Variants in ACSF2 observed in about 807,000 individuals in gnomAD.
ACSF2 encodes the protein medium-chain acyl-CoA ligase ACSF2, mitochondrial.
A neutral mutation model predicts 79.3 loss-of-function variants in ACSF2; 52 were observed. The observed-to-expected ratio is 0.66, with a 90% CI of 0.53 to 0.83. The LOEUF is 0.83. Among genes scored for constraint, ACSF2 ranks in the 40% least tolerant of loss-of-function variants. ACSF2 has a pLI of 0.00. For missense variants in ACSF2, 661 were observed against 803.3 expected, an observed-to-expected ratio of 0.82 and a Z score of 2.14; for synonymous variants, 283 against 312.6, an observed-to-expected ratio of 0.91 and a Z score of 1.00.
chr17:50,461,833 G>A, intron 4 of ACSF2, 147 bp downstream of exon 4: 1 of 1,109,762 alleles, frequency 9.0e-7, no homozygotes, highest in Non-Finnish European at 1.3e-6. Context: ...ATGTGTGATT[G>A]GAAGGTGGCC....
chr17:50,458,218 T>G (rs986547344), intron 1 of ACSF2, among the ~76,000 whole-genome samples: 2 of 152,158 alleles, frequency 1.3e-5, no homozygotes, highest in African/African-American at 4.8e-5. Context: ...GTGGGTCCAC[T>G]TGGGCCCATG....
At chr17:50,452,951 T>A (rs897059521) in intron 1 of ACSF2, among the ~76,000 whole-genome samples, 1 of 152,138 alleles carries the variant, frequency 6.6e-6, no homozygotes, top group Admixed American at 6.5e-5. Flanking sequence ...ATAATAAAAT[T>A]GAGGTTATAT....
In ACSF2 at chr17:50,464,294, G is replaced by A. The variant is rs745819595; in HGVS notation, c.1215G>A (p.Val405=). Residue 405 remains valine (V), a splice_region_variant and synonymous_variant, in exon 10 of 16, where the codon GTG becomes GTA. Coordinates refer to ENST00000300441, the MANE Select transcript of ACSF2 (RefSeq NM_025149.6). ...IINKINMKDL[V]VAYGTTENSP... ...ACAAGATAAATATGAAGGACCTGGTGGTGAGTGGTGACTGCGGCCCGGGCT... is the reference window on the plus strand; with the variant it reads ...ACAAGATAAATATGAAGGACCTGGTAGTGAGTGGTGACTGCGGCCCGGGCT... 25 of 1,613,966 alleles carry A rather than the reference G, an allele frequency of 1.5e-5. No homozygotes were observed. The highest frequency in any genetic ancestry group is 2.1e-5 in the Non-Finnish European group (25 of 1,180,026).
In ACSF2 at chr17:50,464,779, G is replaced by GGGGA; in HGVS notation, c.1215+485_1215+486insGGGA. The GGGGA allele has an allele frequency of 7.7e-6, 2 of 259,844 alleles. 1 individual carries two copies. Among genetic ancestry groups the GGGGA allele is most frequent in the Non-Finnish European group, 1.5e-5 (2 of 135,768 alleles). 16.1% of individuals were successfully genotyped at this position (259,844 alleles called of 1,614,324 possible). A position where few individuals can be genotyped will look rare whatever the true frequency, so the allele number is the denominator to read the frequency against. On this transcript the variant is annotated intron_variant, in intron 10 of 15. Transcript: ENST00000300441. ...TGGTTCTGATTGACTTGGGGGGGGGGTCTCAGCAACAGCTTCTCCAAGAGG... is the reference window on the plus strand; with the variant it reads ...TGGTTCTGATTGACTTGGGGGGGGGGGGGATCTCAGCAACAGCTTCTCCAAGAGG...
In ACSF2 at chr17:50,461,160, C is replaced by T. The variant is rs557559978; in HGVS notation, c.325-82C>T. The T allele has an allele frequency of 4.1e-3, 6,582 of 1,590,126 alleles. 50 individuals carry two copies. Among genetic ancestry groups the T allele is most frequent in the South Asian group, 0.019 (1,653 of 88,024 alleles). On this transcript the variant is annotated intron_variant, in intron 2 of 15. Coordinates refer to ENST00000300441, the MANE Select transcript of ACSF2 (RefSeq NM_025149.6). The stretch of plus-strand genomic sequence containing the variant: ...TCCCCAGTGACTGTGATGAGAACTC[C>T]GGGCTAAGGGCTGAGGGTGGGAGTC...
Position 50,444,532 on chromosome 17 carries a change from C to T in ACSF2, c.129-16145C>T, listed in dbSNP as rs142079440. Among the ~76,000 whole-genome samples the T allele has an allele frequency of 7.0e-3, 1,062 of 151,344 alleles. 53 individuals are homozygous for T. The highest frequency in any genetic ancestry group is 0.064 in the Admixed American group (967 of 15,128). On this transcript the variant is annotated intron_variant, in intron 1 of 15. Coordinates refer to ENST00000300441, the MANE Select transcript of ACSF2 (RefSeq NM_025149.6). The stretch of plus-strand genomic sequence containing the variant: ...ATCGCACCACTGCACTCCAGCCTGG[C>T]GATAGTGTGAGACTCCGGCCCAAAA...
At chr17:50,431,475 C>T (rs912897322) in intron 1 of ACSF2, among the ~76,000 whole-genome samples, 2 of 152,128 alleles carry the variant, frequency 1.3e-5, no homozygotes, top group African/African-American at 4.8e-5. Context: ...GAACCTGATC[C>T]CTGAAAGGTT....
chr17:50,429,521 C>CT (rs142859188), intron 1 of ACSF2, among the ~76,000 whole-genome samples: 13,043 of 147,118 alleles, frequency 0.089, 1,946 homozygotes, highest in African/African-American at 0.31. Flanking sequence ...TTCTCTTTTT[C>CT]TTTTTTTTTT....
At chr17:50,470,038 T>C (rs948119892) in intron 10 of ACSF2, 1 of 152,300 alleles carries the variant, frequency 6.6e-6, no homozygotes, top group Non-Finnish European at 1.5e-5. Context: ...ATATTGTCTG[T>C]GATGAGGGGT....
At chr17:50,462,790 C>T in intron 6 of ACSF2, 1 of 641,260 alleles carries the variant, frequency 1.6e-6, no homozygotes, top group Non-Finnish European at 2.6e-6. Context: ...CTCTCCACTC[C>T]AGCCCTCTTG....
At chr17:50,460,971 A>G (rs2143700723) in intron 2 of ACSF2, 99 bp downstream of exon 2, 7 of 1,390,490 alleles carry the variant, frequency 5.0e-6, no homozygotes, top group Non-Finnish European at 6.8e-6. Flanking sequence ...CTATGGGGCA[A>G]TGTGCTAGGG....
intron 1 of ACSF2, among the ~76,000 whole-genome samples, chr17:50,442,914 C>CTTT (rs941820816): frequency 6.9e-6 from 1 of 144,114 alleles, no homozygotes; most frequent in East Asian, 2.0e-4. Context: ...GGTTTTATTT[C>CTTT]TTTTTTTTTT....
intron 1 of ACSF2, among the ~76,000 whole-genome samples, chr17:50,442,325 ATTT>A (rs34855383): frequency 9.3e-4 from 109 of 117,256 alleles, no homozygotes; most frequent in African/African-American, 3.0e-3. Flanking sequence ...AAACAAAACA[ATTT>A]TTTTTTTTTT....
chr17:50,457,857 T>C (rs1343591932), intron 1 of ACSF2, among the ~76,000 whole-genome samples: 1 of 152,060 alleles, frequency 6.6e-6, no homozygotes, highest in Non-Finnish European at 1.5e-5. Flanking sequence ...GTGGCTTAGA[T>C]GGCCAAGAGA....
chr17:50,460,166 C>T (rs1006667310), intron 1 of ACSF2: 4 of 455,874 alleles, frequency 8.8e-6, no homozygotes, highest in Non-Finnish European at 1.3e-5. Context: ...TCTGCCCTCT[C>T]CTTTATCCCT....
At chr17:50,460,900 T>G in intron 2 of ACSF2, 28 bp downstream of exon 2, 1 of 1,591,652 alleles carries the variant, frequency 6.3e-7, no homozygotes, top group Middle Eastern at 1.7e-4. Flanking sequence ...AACCTCAAAG[T>G]GGGCAAGTAC....
Position 50,471,230 on chromosome 17 carries a change from A to C in ACSF2, c.1323+95A>C, listed in dbSNP as rs2033105492. On this transcript the variant is annotated intron_variant, in intron 11 of 15. Transcript: ENST00000300441. This position sits in a 1 kb window ranked among gnomAD's most constrained non-coding sequence, Gnocchi z 4.1. ...TCGGTTGCTTTCAGTGAGAGAGTCAAATGGCTCACTCAGGATGCCTAGAGC... is the reference window on the plus strand; with the variant it reads ...TCGGTTGCTTTCAGTGAGAGAGTCACATGGCTCACTCAGGATGCCTAGAGC... 3 of 1,014,998 alleles carry C rather than the reference A, an allele frequency of 3.0e-6. No individual in the cohort carries two copies. The highest frequency in any genetic ancestry group is 3.2e-5 in the African/African-American group (2 of 63,060). The allele number at this position is 1,014,998 out of a possible 1,614,324, so 62.9% of individuals were successfully genotyped here. A position where few individuals can be genotyped will look rare whatever the true frequency, so the allele number is the denominator to read the frequency against.
chr17:50,462,776 CG>C, intron 6 of ACSF2, 191 bp downstream of exon 6: 1 of 678,800 alleles, frequency 1.5e-6, no homozygotes, highest in East Asian at 2.8e-5. Context: ...CCTAGCCCCC[CG>C]CCCTCTCCAC....
chr17:50,438,370 G>A (rs1294802680), intron 1 of ACSF2, among the ~76,000 whole-genome samples: 1 of 152,180 alleles, frequency 6.6e-6, no homozygotes, highest in Non-Finnish European at 1.5e-5. Flanking sequence ...CTGTGCTGAA[G>A]AGTTGACATT....
Sources: gnomAD v4.1 joint callset for allele counts (sites outside exome capture counted in the v4.1 genomes callset) on GRCh38, gnomAD v4.1.1 for gene constraint, Gnocchi (gnomAD v3.1) non-coding constraint, MANE v1.5 for transcripts, NCBI Gene and HGNC (gene_info 2026-07-23, HGNC 2026-07-21) for gene names.